L2HGDH: variants seen among roughly 807,000 people sequenced by gnomAD.
L2HGDH encodes the protein L-2-hydroxyglutarate dehydrogenase, mitochondrial.
Under a neutral mutation model 51.5 loss-of-function variants are expected in L2HGDH, and 34 were observed. The ratio of observed to expected loss-of-function variants is 0.66; its 90% CI spans 0.50 to 0.88. The LOEUF is 0.88. Among genes scored for constraint, L2HGDH ranks in the 40% least tolerant of loss-of-function variants. L2HGDH has a pLI of 0.00. For synonymous variants in L2HGDH, 198 were observed against 197.9 expected (o/e 1.00, Z -0.01); for missense variants, 558 against 571.9 (o/e 0.98, Z 0.25).
chr14:50,247,031 C>CA lies in L2HGDH; in HGVS notation c.*26dup. ...ATTCTTGTTGCTGACATGAAGATTACAGTGCATACCTAGCTCCTTTCATTA... is the reference window on the plus strand; with the variant it reads ...ATTCTTGTTGCTGACATGAAGATTACAAGTGCATACCTAGCTCCTTTCATTA... On this transcript the variant is annotated 3_prime_UTR_variant, in exon 10 of 10. Coordinates refer to ENST00000267436, the MANE Select transcript of L2HGDH (RefSeq NM_024884.3). 6.2e-7 allele frequency: 1 copy of CA among 1,603,886 alleles called. No homozygotes were observed. The highest frequency in any genetic ancestry group is 8.5e-7 in the Non-Finnish European group (1 of 1,173,008).
At chr14:50,252,119 C>T (rs543949781) in intron 9 of L2HGDH, among the ~76,000 whole-genome samples, 1 of 151,272 alleles carries the variant, frequency 6.6e-6, no homozygotes, top group Non-Finnish European at 1.5e-5. Context: ...AATTAAAAGC[C>T]AAGGAACAAA....
chr14:50,306,841 G>A (rs1416183801), intron 1 of L2HGDH, among the ~76,000 whole-genome samples: 1 of 151,754 alleles, frequency 6.6e-6, no homozygotes, highest in Admixed American at 6.6e-5. Flanking sequence ...TTGGAGTCAG[G>A]GTCTCACTCT....
chr14:50,252,507 C>A (rs1440161086), intron 9 of L2HGDH, among the ~76,000 whole-genome samples: 1 of 151,786 alleles, frequency 6.6e-6, no homozygotes, highest in East Asian at 1.9e-4. Flanking sequence ...AAAAACAAGA[C>A]CCAATGATCT....
At position 50,242,456 on chromosome 14, in the gene L2HGDH, T is replaced by A. The variant is rs939877900; in HGVS notation, c.*4602A>T. ...AACTTAAAATAAGATAACTTTAATGTGAGATCCTTCCCATAAGCAGAAAAT... is the reference window on the plus strand; with the variant it reads ...AACTTAAAATAAGATAACTTTAATGAGAGATCCTTCCCATAAGCAGAAAAT... On this transcript the variant is annotated 3_prime_UTR_variant, in exon 10 of 10. Transcript: ENST00000267436. The A allele has an allele frequency of 6.1e-6, 6 of 982,844 alleles. No individual in the cohort carries two copies. The highest frequency in any genetic ancestry group is 6.2e-5 in the Admixed American group (1 of 16,256). The allele number at this position is 982,844 out of a possible 1,614,324, so 60.9% of individuals were successfully genotyped here. A position where few individuals can be genotyped will look rare whatever the true frequency, so the allele number is the denominator to read the frequency against.
At chr14:50,273,912 C>T (rs1484351492) in intron 6 of L2HGDH, among the ~76,000 whole-genome samples, 8 of 152,064 alleles carry the variant, frequency 5.3e-5, no homozygotes, top group Admixed American at 2.0e-4. Context: ...AACCCCATCT[C>T]TACTAAAAAT....
chr14:50,259,306 C>T (rs932356812), intron 9 of L2HGDH, among the ~76,000 whole-genome samples: 1 of 151,144 alleles, frequency 6.6e-6, no homozygotes, highest in African/African-American at 2.4e-5. Context: ...TCCCAGATGG[C>T]ATACCACTTC....
intron 9 of L2HGDH, among the ~76,000 whole-genome samples, chr14:50,251,463 G>T (rs1288217008): frequency 1.3e-5 from 2 of 151,982 alleles, no homozygotes; most frequent in South Asian, 2.1e-4. Flanking sequence ...TTATTCAAAG[G>T]GATGATAACA....
chr14:50,256,346 C>A (rs1010696204), intron 9 of L2HGDH, among the ~76,000 whole-genome samples: 5 of 36,380 alleles, frequency 1.4e-4, no homozygotes. Flanking sequence ...GAGACTCTGT[C>A]TCTAAAATAA....
chr14:50,302,231 G>A lies in L2HGDH; in HGVS notation c.257-63C>T. On this transcript the variant is annotated intron_variant, in intron 2 of 9. Coordinates refer to ENST00000267436, the MANE Select transcript of L2HGDH (RefSeq NM_024884.3). ...GATTCATACAAAACATAAGAGGTAA[G>A]AGAACAAACTTATAGTTGAAGCTAT... is the stretch of plus-strand genomic sequence containing the variant. 1.9e-6 allele frequency: 3 copies of A among 1,550,298 alleles called. No homozygotes were observed. In the South Asian group the frequency reaches 3.4e-5, roughly 17 times the overall value.
intron 9 of L2HGDH, among the ~76,000 whole-genome samples, chr14:50,259,369 T>C (rs1379467150): frequency 2.8e-5 from 1 of 35,656 alleles, no homozygotes; most frequent in Non-Finnish European, 8.1e-5. Flanking sequence ...TTTTTCGGTT[T>C]TTTTTTTTTT....
rs1483622045 is a variant in L2HGDH at position 50,275,071 on chromosome 14, G to T, written c.738+3449C>A. Among the ~76,000 whole-genome samples the T allele has an allele frequency of 2.0e-5, 3 of 152,110 alleles. No individual in the cohort carries two copies. In the East Asian group the frequency reaches 5.8e-4, roughly 29 times the overall value. On this transcript the variant is annotated intron_variant, in intron 6 of 9. Coordinates refer to ENST00000267436, the MANE Select transcript of L2HGDH (RefSeq NM_024884.3). Reference sequence around the variant, plus strand: ...CTAATATACAGCATGGTGACTACAGGTAATAATACTGTATGGTATACTTGA... The same window carrying T: ...CTAATATACAGCATGGTGACTACAGTTAATAATACTGTATGGTATACTTGA...
intron 9 of L2HGDH, among the ~76,000 whole-genome samples, chr14:50,264,038 T>C (rs1299415540): frequency 6.6e-6 from 1 of 150,772 alleles, no homozygotes; most frequent in African/African-American, 2.4e-5. Context: ...GCCTCCCAAG[T>C]GCTGGGATTG....
chr14:50,250,237 C>T (rs1218714146), intron 9 of L2HGDH, among the ~76,000 whole-genome samples: 1 of 152,178 alleles, frequency 6.6e-6, no homozygotes, highest in Non-Finnish European at 1.5e-5. Context: ...TCTAGCACTA[C>T]CCTGGGCCAG....
At chr14:50,311,976 A>G in intron 1 of L2HGDH, 35 bp downstream of exon 1, 1 of 1,545,774 alleles carries the variant, frequency 6.5e-7, no homozygotes, top group Non-Finnish European at 8.7e-7. Flanking sequence ...GAGGGGCAGC[A>G]GCGCAGGCGG....
Position 50,309,108 on chromosome 14 carries a change from T to A in L2HGDH, c.140+2903A>T, listed in dbSNP as rs192009903. On this transcript the variant is annotated intron_variant, in intron 1 of 9. Transcript: ENST00000267436. ...ATTTTTTTCCCACGTCTTGGTAGTT[T>A]TTTCATTCTCTTAACAGTCTTTTGC... Among the ~76,000 whole-genome samples, 48 of 152,326 alleles carry A rather than the reference T, an allele frequency of 3.2e-4. No individual in the cohort carries two copies. The East Asian group carries it at 7.9e-3, about 25-fold the overall frequency.
intron 1 of L2HGDH, 113 bp downstream of exon 1, chr14:50,311,898 C>T: frequency 7.0e-7 from 1 of 1,438,056 alleles, no homozygotes; most frequent in South Asian, 1.3e-5. Context: ...CACAGGACCC[C>T]AACCTGCTCT....
rs747728551 is a variant in L2HGDH, at chr14:50,312,178, G to T, written c.-28C>A. On this transcript the variant is annotated 5_prime_UTR_variant, in exon 1 of 10. Coordinates refer to ENST00000267436, the MANE Select transcript of L2HGDH (RefSeq NM_024884.3). ...CCTACGCACGCTCCCCTCCCTCAGCGCTCAGAAGAAGCCACTTGACCCTCC... is the reference window on the plus strand; with the variant it reads ...CCTACGCACGCTCCCCTCCCTCAGCTCTCAGAAGAAGCCACTTGACCCTCC... The T allele has an allele frequency of 1.2e-6, 2 of 1,607,106 alleles. No homozygotes were observed. The highest frequency in any genetic ancestry group is 1.7e-5 in the Admixed American group (1 of 59,764).
chr14:50,246,191 A>C lies in L2HGDH; in HGVS notation c.*867T>G, dbSNP rs1887987477. 2.0e-5 allele frequency: 3 copies of C among 151,692 alleles called. No homozygotes were observed. In the South Asian group the frequency reaches 6.2e-4, roughly 31 times the overall value. The allele number at this position is 151,692 out of a possible 1,614,324, so 9.4% of individuals were successfully genotyped here. On this transcript the variant is annotated 3_prime_UTR_variant, in exon 10 of 10. Coordinates refer to ENST00000267436, the MANE Select transcript of L2HGDH (RefSeq NM_024884.3). ...CTGTACCTTGCCTCTTTATTCGCAA[A>C]GTAAATAAGCATGGAATTTATTTTT...
At chr14:50,282,537 T>C (rs1890330364) in intron 5 of L2HGDH, 1 of 455,846 alleles carries the variant, frequency 2.2e-6, no homozygotes, top group African/African-American at 2.0e-5. Flanking sequence ...TCCAGTATAG[T>C]TCAGTAATTA....
Sources: allele counts gnomAD v4.1 joint callset (sites outside exome capture counted in the v4.1 genomes callset), GRCh38; gene constraint gnomAD v4.1.1; transcripts MANE v1.5; gene names NCBI Gene and HGNC (gene_info 2026-07-23, HGNC 2026-07-21).